RASAL1: variants seen among roughly 807,000 people sequenced by gnomAD.
The protein encoded by RASAL1 is rasGAP-activating-like protein 1.
Under a neutral mutation model 96.6 loss-of-function variants are expected in RASAL1, and 72 were observed. The ratio of observed to expected loss-of-function variants is 0.75; its 90% CI spans 0.62 to 0.91. The LOEUF (loss-of-function observed/expected upper bound fraction) is 0.91, where lower values mean the gene tolerates loss of function less well. RASAL1 is among the 40% of genes least tolerant of loss of function. The probability of loss-of-function intolerance (pLI) is 0.00; values close to 1 mark genes in which losing one functional copy is unlikely to be tolerated. For missense variants in RASAL1, 1,016 were observed against 1,072.5 expected, an observed-to-expected ratio of 0.95 and a Z score of 0.74; for synonymous variants, 405 against 430.4, an observed-to-expected ratio of 0.94 and a Z score of 0.73.
chr12:113,128,876 A>C (rs1951593988), intron 2 of RASAL1, among the ~76,000 whole-genome samples: 1 of 152,090 alleles, frequency 6.6e-6, no homozygotes, highest in African/African-American at 2.4e-5. Flanking sequence ...ACAGAGACAC[A>C]CTCAGAGATC....
Position 113,115,028 on chromosome 12 carries a change from G to T in RASAL1, c.1069-116C>A. ...GGTTCAGAGAGAGGCCAGGGCTGGGGTAGGGGACACATCCAGGTGCAACTC... is the reference window on the plus strand; with the variant it reads ...GGTTCAGAGAGAGGCCAGGGCTGGGTTAGGGGACACATCCAGGTGCAACTC... On this transcript the variant is annotated intron_variant, in intron 11 of 20. Transcript: ENST00000548055. The surrounding 1 kb of genome is among the most constrained non-coding windows in gnomAD (Gnocchi z 4.1). 2 of 1,081,248 alleles carry T rather than the reference G, an allele frequency of 1.8e-6. No individual in the cohort carries two copies. Among genetic ancestry groups the T allele is most frequent in the Non-Finnish European group, 2.8e-6 (2 of 706,774 alleles). 67.0% of individuals were successfully genotyped at this position (1,081,248 alleles called of 1,614,324 possible). A position where few individuals can be genotyped will look rare whatever the true frequency, so the allele number is the denominator to read the frequency against.
chr12:113,111,649 A>G (rs953703106), intron 13 of RASAL1, among the ~76,000 whole-genome samples: 1 of 152,194 alleles, frequency 6.6e-6, no homozygotes, highest in Non-Finnish European at 1.5e-5. Context: ...TCTGGAGTGC[A>G]GTGGCGCAAT....
Position 113,117,116 on chromosome 12 carries a change from A to G in RASAL1, c.688T>C (p.Trp230Arg), listed in dbSNP as rs1329316859. ...KTLQQKPPKG[W>R]FRLLPFPRAE... The stretch of plus-strand genomic sequence containing the variant: ...CTGGGAAAGGGCAGGAGGCGGAACC[A>G]GCCTTTAGGTGGCTTCTGCTGGAGG... Residue 230 changes from tryptophan (W) to arginine (R), a missense_variant, in exon 8 of 21, where the codon TGG (tryptophan) becomes CGG (arginine). Trp to Arg is a moderately radical substitution (Grantham distance 101). Transcript: ENST00000548055. 2 of 1,610,732 alleles carry G rather than the reference A, an allele frequency of 1.2e-6. No homozygotes were observed. The highest frequency in any genetic ancestry group is 1.7e-6 in the Non-Finnish European group (2 of 1,177,650).
chr12:113,122,513 C>A (rs192243081), intron 4 of RASAL1, among the ~76,000 whole-genome samples: 21 of 151,826 alleles, frequency 1.4e-4, no homozygotes, highest in Non-Finnish European at 2.2e-4. Flanking sequence ...TTTGTAGAGA[C>A]GAGGTTTTGC....
intron 19 of RASAL1, 29 bp downstream of exon 19, chr12:113,101,860 G>C: frequency 6.2e-7 from 1 of 1,608,078 alleles, no homozygotes; most frequent in Non-Finnish European, 8.5e-7. Flanking sequence ...GGTCATAGGA[G>C]GTGAAGTGGG....
chr12:113,133,745 C>T (rs548673877), intron 1 of RASAL1, among the ~76,000 whole-genome samples: 1 of 152,322 alleles, frequency 6.6e-6, no homozygotes, highest in East Asian at 1.9e-4. Context: ...GAAACTGAGG[C>T]AGGGTGGCCA....
chr12:113,107,225 CCAATGCTCTGCACAGCCTGG>C lies in RASAL1; in HGVS notation c.1513-4_1528del. ...TTGGCCCAGCTGCTGGCCCAGGTTT[CCAATGCTCTGCACAGCCTGG>C]AGCAAAGAAGCGAGGGATGCCGGGG... On this transcript the variant is annotated splice_acceptor_variant and splice_polypyrimidine_tract_variant and coding_sequence_variant and intron_variant, in exon 15 of 21. Coordinates refer to ENST00000548055, the MANE Select transcript of RASAL1 (RefSeq NM_001301202.2). LOFTEE classifies it high-confidence loss of function. The C allele has an allele frequency of 6.2e-7, 1 of 1,610,032 alleles. No individual in the cohort carries two copies. The highest frequency in any genetic ancestry group is 8.5e-7 in the Non-Finnish European group (1 of 1,177,772).
intron 18 of RASAL1, 152 bp downstream of exon 18, chr12:113,103,792 ACT>A (rs1950544901): frequency 1.0e-6 from 1 of 973,342 alleles, no homozygotes; most frequent in Non-Finnish European, 1.6e-6. Flanking sequence ...CGAGATAGGC[ACT>A]GTTATCAACC....
intron 4 of RASAL1, 22 bp downstream of exon 4, chr12:113,127,790 T>G: frequency 1.9e-6 from 3 of 1,599,558 alleles, no homozygotes; most frequent in Non-Finnish European, 2.6e-6. Context: ...CCCTCCTCCC[T>G]CTGCCCATGT....
intron 12 of RASAL1, among the ~76,000 whole-genome samples, chr12:113,114,152 T>A (rs893930943): frequency 2.6e-5 from 4 of 152,094 alleles, no homozygotes; most frequent in African/African-American, 9.7e-5. Context: ...GAACATTGGA[T>A]CAATATTTTA....
intron 5 of RASAL1, among the ~76,000 whole-genome samples, chr12:113,120,873 G>C (rs1951270962): frequency 6.6e-6 from 1 of 152,242 alleles, no homozygotes. Flanking sequence ...TAATGGGCTT[G>C]TGACTCAGGC....
At chr12:113,123,512 C>T (rs1024455423) in intron 4 of RASAL1, among the ~76,000 whole-genome samples, 4 of 151,412 alleles carry the variant, frequency 2.6e-5, no homozygotes, top group Admixed American at 6.6e-5. Context: ...TTGATACTGA[C>T]GTCTGCTTTC....
At position 113,099,767 on chromosome 12, in the gene RASAL1, CTGAG is replaced by C; in HGVS notation, c.*158_*161del. On this transcript the variant is annotated 3_prime_UTR_variant, in exon 21 of 21. Coordinates refer to ENST00000548055, the MANE Select transcript of RASAL1 (RefSeq NM_001301202.2). ...GCCCCTGCCAAAGGGCTTCCATGCCCTGAGTTCTGGACTCAAGGCACACAGGACT... is the reference window on the plus strand; with the variant it reads ...GCCCCTGCCAAAGGGCTTCCATGCCCTTCTGGACTCAAGGCACACAGGACT... 1 of 1,040,090 alleles carries C rather than the reference CTGAG, an allele frequency of 9.6e-7. No individual in the cohort carries two copies. Among genetic ancestry groups the C allele is most frequent in the Non-Finnish European group, 1.4e-6 (1 of 728,346 alleles). 64.4% of individuals were successfully genotyped at this position (1,040,090 alleles called of 1,614,324 possible).
At chr12:113,127,605 G>C (rs1441122247) in intron 4 of RASAL1, among the ~76,000 whole-genome samples, 2 of 152,138 alleles carry the variant, frequency 1.3e-5, no homozygotes, top group Non-Finnish European at 2.9e-5. Context: ...AGCTATGATA[G>C]CACCACCGCA....
At chr12:113,110,654 T>A (rs1485485600) in intron 13 of RASAL1, among the ~76,000 whole-genome samples, 1 of 152,152 alleles carries the variant, frequency 6.6e-6, no homozygotes, top group Non-Finnish European at 1.5e-5. Flanking sequence ...GCGCGGTGGT[T>A]CACGCCTGTA....
chr12:113,109,367 C>G (rs945644538), intron 13 of RASAL1, among the ~76,000 whole-genome samples: 1 of 152,182 alleles, frequency 6.6e-6, no homozygotes, highest in East Asian at 1.9e-4. Flanking sequence ...CAGTAGTGAA[C>G]CCAGTCTGAT....
Position 113,115,027 on chromosome 12 carries a change from G to T in RASAL1, c.1069-115C>A. ...AGGTTCAGAGAGAGGCCAGGGCTGG[G>T]GTAGGGGACACATCCAGGTGCAACT... On this transcript the variant is annotated intron_variant, in intron 11 of 20. Transcript: ENST00000548055. This position sits in a 1 kb window ranked among gnomAD's most constrained non-coding sequence, Gnocchi z 4.1. The T allele has an allele frequency of 9.2e-7, 1 of 1,083,768 alleles. No individual in the cohort carries two copies. The allele number at this position is 1,083,768 out of a possible 1,614,324, so 67.1% of individuals were successfully genotyped here.
intron 4 of RASAL1, among the ~76,000 whole-genome samples, chr12:113,123,961 T>C (rs1951391886): frequency 1.3e-5 from 2 of 152,092 alleles, no homozygotes; most frequent in Admixed American, 1.3e-4. Flanking sequence ...GGTTCACACC[T>C]GTAATCCCAA....
Position 113,128,152 on chromosome 12 carries a change from C to G in RASAL1, c.149G>C (p.Gly50Ala). The G allele has an allele frequency of 6.2e-7, 1 of 1,613,728 alleles. No individual in the cohort carries two copies. Among genetic ancestry groups the G allele is most frequent in the Non-Finnish European group, 8.5e-7 (1 of 1,179,910 alleles). ...CGTGTACTCCTCCCCCCAGAAGGGGCCCAGGCTCCTCCAGACAGTAGCTGT... is the reference window on the plus strand; with the variant it reads ...CGTGTACTCCTCCCCCCAGAAGGGGGCCAGGCTCCTCCAGACAGTAGCTGT... Reference protein sequence around the residue: ...ARTATVWRSLGPFWGEEYTVH... With the variant: ...ARTATVWRSLAPFWGEEYTVH... The change falls in exon 3 of 21, where the codon GGC becomes GCC. Residue 50 changes from glycine (G) to alanine (A), a missense_variant. Transcript: ENST00000548055.
Sources: gnomAD v4.1 joint callset for allele counts (sites outside exome capture counted in the v4.1 genomes callset) on GRCh38, gnomAD v4.1.1 for gene constraint, Gnocchi (gnomAD v3.1) non-coding constraint, MANE v1.5 for transcripts, NCBI Gene and HGNC (gene_info 2026-07-23, HGNC 2026-07-21) for gene names.